Variants in RAPGEF6 observed in about 807,000 individuals in gnomAD.
RAPGEF6 encodes Rap guanine nucleotide exchange factor 6.
A neutral mutation model predicts 171.4 loss-of-function variants in RAPGEF6; 56 were observed. That is an observed-to-expected ratio of 0.33 (90% CI 0.26 to 0.41). The LOEUF is 0.41. RAPGEF6 is among the 10% of genes least tolerant of loss of function. The pLI, the probability that RAPGEF6 is intolerant of heterozygous loss-of-function variation, is 1.00. For synonymous variants in RAPGEF6, 692 were observed against 650.1 expected (o/e 1.06, Z -0.98); for missense variants, 1,674 against 1,921.4 (o/e 0.87, Z 2.41).
Position 131,635,143 on chromosome 5 carries a change from C to G in RAPGEF6, c.-113G>C, listed in dbSNP as rs564245680. ...CCGCCCCAAGGAGGGAACTTCGCGC[C>G]GTAACAAGGTCCGAACTCTAGCAAA... On this transcript the variant is annotated 5_prime_UTR_variant, in exon 1 of 28. Transcript: ENST00000509018. 1,144 of 1,121,834 alleles carry G rather than the reference C, an allele frequency of 1.0e-3. 13 individuals are homozygous for G. In the African/African-American group the frequency reaches 0.017, roughly 16 times the overall value. 69.5% of individuals were successfully genotyped at this position (1,121,834 alleles called of 1,614,324 possible). A position where few individuals can be genotyped will look rare whatever the true frequency, so the allele number is the denominator to read the frequency against.
intron 7 of RAPGEF6, among the ~76,000 whole-genome samples, chr5:131,519,750 C>T (rs1341599119): frequency 1.3e-5 from 2 of 152,210 alleles, no homozygotes; most frequent in African/African-American, 4.8e-5. Flanking sequence ...TCTACAGCCA[C>T]ATCCCTGAAT....
At chr5:131,592,003 A>T (rs1331439543) in intron 4 of RAPGEF6, among the ~76,000 whole-genome samples, 1 of 152,096 alleles carries the variant, frequency 6.6e-6, no homozygotes, top group Non-Finnish European at 1.5e-5. Context: ...AATTACAGGT[A>T]TGCGCCACCA....
intron 16 of RAPGEF6, among the ~76,000 whole-genome samples, chr5:131,473,596 T>C (rs1247102014): frequency 6.6e-6 from 1 of 152,206 alleles, no homozygotes; most frequent in Non-Finnish European, 1.5e-5. Context: ...TGTACTTACA[T>C]TAAAACCAAT....
intron 4 of RAPGEF6, among the ~76,000 whole-genome samples, chr5:131,570,942 CTTT>C (rs767023216): frequency 2.3e-5 from 3 of 128,526 alleles, no homozygotes. Flanking sequence ...TCCCCAACTA[CTTT>C]TTTTTTTTTT....
chr5:131,487,970 TAA>T (rs1756034903), intron 15 of RAPGEF6, among the ~76,000 whole-genome samples: 1 of 152,084 alleles, frequency 6.6e-6, no homozygotes, highest in African/African-American at 2.4e-5. Flanking sequence ...AGAAAGAGAG[TAA>T]ACTGAGATTG....
chr5:131,568,898 T>C (rs980236015), intron 4 of RAPGEF6, among the ~76,000 whole-genome samples: 1 of 152,106 alleles, frequency 6.6e-6, no homozygotes, highest in Non-Finnish European at 1.5e-5. Flanking sequence ...TCACAGGATA[T>C]AAGATCAATA....
At chr5:131,440,093 T>A in intron 23 of RAPGEF6, 1 of 391,992 alleles carries the variant, frequency 2.6e-6, no homozygotes, top group Non-Finnish European at 5.0e-6. Context: ...CCTCTCCAAG[T>A]CGGGGCGACG....
chr5:131,597,976 A>T (rs1763997269), intron 3 of RAPGEF6, among the ~76,000 whole-genome samples: 1 of 152,204 alleles, frequency 6.6e-6, no homozygotes, highest in Non-Finnish European at 1.5e-5. Context: ...TGTACTCCAT[A>T]AATATACACA....
Position 131,634,875 on chromosome 5 carries a change from A to T in RAPGEF6, c.69+87T>A, listed in dbSNP as rs113187299. The T allele has an allele frequency of 2.5e-4, 368 of 1,459,080 alleles. 1 individual carries two copies. In the African/African-American group the frequency reaches 4.3e-3, roughly 17 times the overall value. The allele number at this position is 1,459,080 out of a possible 1,614,324, so 90.4% of individuals were successfully genotyped here. ...CCAGTAGCAGGTGCGAGACTCTGGC[A>T]AGAGGGCAGTCGCCGCGGATTTCGG... On this transcript the variant is annotated intron_variant, in intron 1 of 27. Coordinates refer to ENST00000509018, the MANE Select transcript of RAPGEF6 (RefSeq NM_016340.6).
At chr5:131,517,968 T>C (rs1381079608) in intron 7 of RAPGEF6, among the ~76,000 whole-genome samples, 2 of 152,072 alleles carry the variant, frequency 1.3e-5, no homozygotes, top group Non-Finnish European at 2.9e-5. Flanking sequence ...TTTTCAACTT[T>C]TAACTATACA....
rs747979994 is a variant in RAPGEF6, at chr5:131,433,515, C to T, written c.3889G>A (p.Ala1297Thr). 3.7e-6 allele frequency: 6 copies of T among 1,613,824 alleles called. No homozygotes were observed. The Admixed American group carries it at 8.3e-5, about 22-fold the overall frequency. ...CCAGTGGATTCAGGGACTGCCAGGG[C>T]CTGAGAGGAACACCGTTCATCCTGT... ...ALQDERCSSQ[A>T]LAVPESTGAL... The change falls in exon 25 of 28, where the codon GCC becomes ACC. Residue 1297 changes from alanine (A) to threonine (T), a missense_variant. By Grantham distance (58) the Ala-to-Thr change is moderately conservative (BLOSUM62 0). Transcript: ENST00000509018.
intron 6 of RAPGEF6, among the ~76,000 whole-genome samples, chr5:131,545,705 T>G (rs1167227993): frequency 1.3e-5 from 2 of 152,234 alleles, no homozygotes. Context: ...ATTTTCTAAG[T>G]TAACTGAAAT....
intron 17 of RAPGEF6, among the ~76,000 whole-genome samples, chr5:131,469,237 T>C (rs1754582916): frequency 2.0e-5 from 3 of 152,156 alleles, no homozygotes; most frequent in Non-Finnish European, 2.9e-5. Flanking sequence ...TGCAATGAAA[T>C]TTCTGGAAGG....
chr5:131,597,345 C>A (rs76213290), intron 3 of RAPGEF6, among the ~76,000 whole-genome samples: 1 of 151,836 alleles, frequency 6.6e-6, no homozygotes, highest in African/African-American at 2.4e-5. Context: ...TCTAGGTAAT[C>A]CTGCAATCCT....
intron 5 of RAPGEF6, among the ~76,000 whole-genome samples, chr5:131,554,081 GA>G (rs1178385681): frequency 6.6e-6 from 1 of 151,824 alleles, no homozygotes; most frequent in African/African-American, 2.4e-5. Context: ...CAGCCAGAAA[GA>G]AAAAAGAGAT....
At chr5:131,482,669 C>T (rs1755569880) in intron 15 of RAPGEF6, among the ~76,000 whole-genome samples, 1 of 152,196 alleles carries the variant, frequency 6.6e-6, no homozygotes. Context: ...ATAGGTCAGG[C>T]ACTTCACTTG....
chr5:131,577,838 G>A (rs1209591214), intron 4 of RAPGEF6, among the ~76,000 whole-genome samples: 1 of 152,146 alleles, frequency 6.6e-6, no homozygotes, highest in African/African-American at 2.4e-5. Flanking sequence ...CTGAAGAACA[G>A]TAATAACCCT....
At chr5:131,587,979 G>A (rs1360723563) in intron 4 of RAPGEF6, among the ~76,000 whole-genome samples, 1 of 151,910 alleles carries the variant, frequency 6.6e-6, no homozygotes, top group Non-Finnish European at 1.5e-5. Flanking sequence ...CAAATCATGA[G>A]GGAGCAATGT....
At chr5:131,509,851 C>T (rs982859333) in intron 8 of RAPGEF6, among the ~76,000 whole-genome samples, 1 of 152,144 alleles carries the variant, frequency 6.6e-6, no homozygotes, top group Non-Finnish European at 1.5e-5. Flanking sequence ...GTATAACAAA[C>T]AGAATTTAGC....
Sources: allele counts gnomAD v4.1 joint callset (sites outside exome capture counted in the v4.1 genomes callset), GRCh38; gene constraint gnomAD v4.1.1; transcripts MANE v1.5; gene names NCBI Gene and HGNC (gene_info 2026-07-23, HGNC 2026-07-21).